Variants in POM121 observed in about 807,000 individuals in gnomAD.
POM121 encodes the protein POM121 transmembrane nucleoporin.
A neutral mutation model predicts 81.3 loss-of-function variants in POM121; 32 were observed. That is an observed-to-expected ratio of 0.39 (90% confidence interval 0.30 to 0.53). The LOEUF (loss-of-function observed/expected upper bound fraction) is 0.53. POM121 is among the 20% of genes least tolerant of loss of function. The probability of loss-of-function intolerance (pLI) is 0.66; values close to 1 mark genes in which losing one functional copy is unlikely to be tolerated. For synonymous variants in POM121, 514 were observed against 694.2 expected (o/e 0.74, Z 4.08); for missense variants, 1,138 against 1,614.6 (o/e 0.70, Z 5.06).
At chr7:72,900,939 G>A (rs1171625022) in intron 3 of POM121, among the ~76,000 whole-genome samples, 2 of 150,910 alleles carry the variant, frequency 1.3e-5, no homozygotes, top group Admixed American at 6.6e-5. Context: ...AAGCATTTAG[G>A]GCTATGAATT....
intron 4 of POM121, among the ~76,000 whole-genome samples, chr7:72,917,754 A>G (rs1554495324): frequency 1.3e-5 from 2 of 152,230 alleles, no homozygotes; most frequent in African/African-American, 2.4e-5. Context: ...GAAAGACACA[A>G]GACAAAGAGA....
upstream of POM121, among the ~76,000 whole-genome samples, chr7:72,921,613 T>C: frequency 6.6e-6 from 1 of 152,228 alleles, no homozygotes; most frequent in East Asian, 1.9e-4. Context: ...GTCCTCTGCC[T>C]GAAAGTAGTT....
At chr7:72,895,861 A>G (rs572712465) in intron 3 of POM121, among the ~76,000 whole-genome samples, 1 of 151,862 alleles carries the variant, frequency 6.6e-6, no homozygotes, top group East Asian at 1.9e-4. Context: ...GTGAGCTGAG[A>G]TCGCGCCACT....
intron 10 of POM121, among the ~76,000 whole-genome samples, chr7:72,941,259 ATCT>A (rs1554500948): frequency 2.0e-5 from 3 of 152,114 alleles, no homozygotes; most frequent in Non-Finnish European, 4.4e-5. Flanking sequence ...GATGAGAATG[ATCT>A]TCCCTGTGCG....
At chr7:72,909,497 T>C (rs1250885757) in intron 3 of POM121, among the ~76,000 whole-genome samples, 1 of 152,232 alleles carries the variant, frequency 6.6e-6, no homozygotes, top group Non-Finnish European at 1.5e-5. Context: ...CCTGTATAAA[T>C]ATTCTATATT....
intron 5 of POM121, among the ~76,000 whole-genome samples, chr7:72,938,117 T>A (rs1796690805): frequency 1.3e-5 from 2 of 152,232 alleles, no homozygotes; most frequent in Non-Finnish European, 2.9e-5. Flanking sequence ...CTACCTTTAT[T>A]CGCATTCCAT....
At position 72,943,142 on chromosome 7, in the gene POM121, C is replaced by T; in HGVS notation, c.3149C>T (p.Pro1050Leu). Residue 1050 changes from proline to leucine, a missense_variant, in exon 11 of 13, where the codon CCC becomes CTC. Around this residue, in one of 7 missense-constraint regions of POM121, gnomAD observed 336 missense variants for 344.3 expected, o/e 0.98. Coordinates refer to ENST00000434423, the MANE Select transcript of POM121 (RefSeq NM_001387691.1). The stretch of plus-strand genomic sequence containing the variant: ...GCCACGGCTTCGGCCTTCGGCGCTC[C>T]CGCCAGCTCACAGCCCGCCTTTGGC... ...LKATASAFGA[P>L]ASSQPAFGGS... is the part of the protein sequence containing the mutation. 3.7e-6 allele frequency: 6 copies of T among 1,613,318 alleles called. No individual in the cohort carries two copies. The highest frequency in any genetic ancestry group is 5.1e-6 in the Non-Finnish European group (6 of 1,179,716).
chr7:72,941,763 A>G (rs1586182816), intron 10 of POM121, 74 bp from the exon 11 acceptor site: 1 of 1,565,902 alleles, frequency 6.4e-7, no homozygotes, highest in Non-Finnish European at 8.7e-7. Context: ...AGGCGTGGGG[A>G]GGACACTGAA....
exon 1 of POM121, chr7:72,879,554 C>T (rs1378613906): frequency 4.8e-5 from 13 of 271,294 alleles, no homozygotes; most frequent in Non-Finnish European, 9.4e-5. Context: ...CGAGCGTGAA[C>T]CCCGGAGCCA....
upstream of POM121, among the ~76,000 whole-genome samples, chr7:72,922,221 G>T (rs1402365351): frequency 1.6e-4 from 24 of 151,908 alleles, no homozygotes; most frequent in Non-Finnish European, 2.4e-4. Context: ...TAGCTTTTTT[G>T]TATCAATTGT....
chr7:72,944,567 C>T (rs1188626368), intron 11 of POM121, among the ~76,000 whole-genome samples: 2 of 152,176 alleles, frequency 1.3e-5, no homozygotes, highest in African/African-American at 4.8e-5. Flanking sequence ...TTCCCAGCGA[C>T]ACTGTGGGTG....
In POM121 at chr7:72,938,634, A is replaced by G. The variant is rs782391573; in HGVS notation, c.1320A>G (p.Pro440=). The G allele has an allele frequency of 6.2e-7, 1 of 1,613,906 alleles. No individual in the cohort carries two copies. The highest frequency in any genetic ancestry group is 8.5e-7 in the Non-Finnish European group (1 of 1,179,828). ...CCAGTTCATCACCCTTCTCTAGCCC[A>G]GCCTCCTCCCGCTCCCAGACACCGG... ...NGPSSSPFSS[P]ASSRSQTPER... is the part of the protein sequence containing the mutation. Residue 440 remains proline (P), a synonymous_variant, in exon 6 of 13, where the codon CCA becomes CCG. Transcript: ENST00000434423.
At position 72,946,422 on chromosome 7, in the gene POM121, A is replaced by T. The variant is rs1222181341; in HGVS notation, c.*188A>T. On this transcript the variant is annotated 3_prime_UTR_variant, in exon 13 of 13. Transcript: ENST00000434423. ...CTGGAGGAAGCACAAGCCTCAGGGA[A>T]GGGGAAGCAGGATGCGGAGGGCCAA... 1 of 1,419,360 alleles carries T rather than the reference A, an allele frequency of 7.0e-7. No individual in the cohort carries two copies. Among genetic ancestry groups the T allele is most frequent in the Non-Finnish European group, 9.2e-7 (1 of 1,083,354 alleles). The allele number at this position is 1,419,360 out of a possible 1,614,324, so 87.9% of individuals were successfully genotyped here. A position where few individuals can be genotyped will look rare whatever the true frequency, so the allele number is the denominator to read the frequency against.
At chr7:72,906,932 A>C (rs1270076256) in intron 3 of POM121, among the ~76,000 whole-genome samples, 2 of 151,808 alleles carry the variant, frequency 1.3e-5, no homozygotes, top group Non-Finnish European at 2.9e-5. Flanking sequence ...CTTGGCCATG[A>C]GTCATTTTTA....
At chr7:72,907,361 G>T (rs1793348248) in intron 3 of POM121, among the ~76,000 whole-genome samples, 1 of 152,024 alleles carries the variant, frequency 6.6e-6, no homozygotes, top group Admixed American at 6.6e-5. Context: ...ATAATGTTAT[G>T]ATTTTGCTTT....
chr7:72,925,718 C>CT lies in POM121; in HGVS notation c.598dup (p.Ser200PhefsTer30). On this transcript the variant is annotated frameshift_variant, in exon 1 of 13. Coordinates refer to ENST00000434423, the MANE Select transcript of POM121 (RefSeq NM_001387691.1). LOFTEE classifies it high-confidence loss of function. ...CCCATCGCGCTCACCACGTTTACCC[C>CT]TCTCTGCCCACTCCTCTTCTCCGAC... 2 of 1,286,052 alleles carry CT rather than the reference C, an allele frequency of 1.6e-6. No individual in the cohort carries two copies. The highest frequency in any genetic ancestry group is 2.0e-6 in the Non-Finnish European group (2 of 1,014,110). The allele number at this position is 1,286,052 out of a possible 1,614,324, so 79.7% of individuals were successfully genotyped here.
At chr7:72,898,984 T>C (rs1452528776) in intron 3 of POM121, among the ~76,000 whole-genome samples, 32 of 123,908 alleles carry the variant, frequency 2.6e-4, no homozygotes, top group African/African-American at 3.1e-4. Flanking sequence ...CTTTTCTTTT[T>C]TTTTTTTTTT....
At chr7:72,949,525 C>T (rs1797933508), downstream of POM121, 2 of 1,000,252 alleles carry the variant, frequency 2.0e-6, no homozygotes, top group South Asian at 2.9e-5. Context: ...GTGAGCTGAG[C>T]ATGCATGGAG....
At chr7:72,933,180 G>A (rs868951843) in intron 5 of POM121, among the ~76,000 whole-genome samples, 11 of 151,068 alleles carry the variant, frequency 7.3e-5, no homozygotes, top group African/African-American at 2.7e-4. Flanking sequence ...GGCAAAAACC[G>A]GTTGCTACTA....
Sources: allele counts gnomAD v4.1 joint callset (sites outside exome capture counted in the v4.1 genomes callset), GRCh38; gene constraint gnomAD v4.1.1; regional missense constraint gnomAD v4.1.1; transcripts MANE v1.5; gene names NCBI Gene and HGNC (gene_info 2026-07-23, HGNC 2026-07-21).